Variants in PRKG1 observed in about 807,000 individuals in gnomAD.
The protein encoded by PRKG1 is cGMP-dependent protein kinase 1.
PRKG1 carries 35 observed loss-of-function variants against 88.1 expected under a neutral mutation model. That is an observed-to-expected ratio of 0.40 (90% CI 0.30 to 0.53). PRKG1 has a LOEUF of 0.53. Ranked by LOEUF, PRKG1 falls within the 20% of genes least tolerant of loss-of-function variation. The pLI is 0.59. For missense variants in PRKG1, 540 were observed against 839.8 expected (o/e 0.64, Z 4.41); for synonymous variants, 303 against 292.5 (o/e 1.04, Z -0.37).
At chr10:52,289,658 C>G (rs73348739) in intron 16 of PRKG1, among the ~76,000 whole-genome samples, 20,435 of 150,674 alleles carry the variant, frequency 0.14, 2,485 homozygotes, top group African/African-American at 0.33. Context: ...AGAAAACAAA[C>G]AAGCAAAAAC....
At chr10:52,256,723 C>T (rs1277293359) in intron 10 of PRKG1, among the ~76,000 whole-genome samples, 1 of 139,626 alleles carries the variant, frequency 7.2e-6, no homozygotes, top group African/African-American at 2.5e-5. Context: ...CTTTTCTTTT[C>T]CATTGCTAGG....
chr10:52,148,957 C>CTTTTTTTTTTTTTTTTTTTTTTTTTT lies in PRKG1; in HGVS notation c.1002-12931_1002-12906dup, dbSNP rs71904885. ...TATTTGACCACAGAGGATAGTTTTG[C>CTTTTTTTTTTTTTTTTTTTTTTTTTT]TTTTTTTTTTTTTTTTTTTTTTTTT... On this transcript the variant is annotated intron_variant, in intron 8 of 17. Coordinates refer to ENST00000373980, the MANE Select transcript of PRKG1 (RefSeq NM_006258.4). 9.1e-5 allele frequency among the ~76,000 whole-genome samples: 5 copies of CTTTTTTTTTTTTTTTTTTTTTTTTTT among 55,160 alleles called. 1 individual carries two copies. The East Asian group carries it at 2.3e-3, about 26-fold the overall frequency. The allele number at this position is 55,160 out of a possible 152,430, so 36.2% of individuals were successfully genotyped here.
intron 7 of PRKG1, among the ~76,000 whole-genome samples, chr10:52,081,879 AG>A (rs5784902): frequency 1 from 152,247 of 152,250 alleles, 76,122 homozygotes; most frequent in Non-Finnish European, 1. Context: ...TCCTGACAAT[AG>A]GGGTCTCATT....
chr10:51,803,605 GC>G (rs1191056523), intron 3 of PRKG1, among the ~76,000 whole-genome samples: 1 of 152,058 alleles, frequency 6.6e-6, no homozygotes, highest in African/African-American at 2.4e-5. Flanking sequence ...GAACTGTGAA[GC>G]AGAGAAAATT....
chr10:51,268,845 G>A (rs2132172551), intron 2 of PRKG1, among the ~76,000 whole-genome samples: 1 of 152,260 alleles, frequency 6.6e-6, no homozygotes, highest in East Asian at 1.9e-4. Context: ...CACAATTTAT[G>A]TTCAGAGATT....
chr10:52,061,120 C>T (rs1045124796), intron 6 of PRKG1, among the ~76,000 whole-genome samples: 4 of 151,944 alleles, frequency 2.6e-5, no homozygotes, highest in Admixed American at 2.6e-4. Context: ...ATTAGTGTCT[C>T]TGTGATACAG....
At chr10:51,244,452 G>A (rs1284484054) in intron 2 of PRKG1, among the ~76,000 whole-genome samples, 1 of 151,574 alleles carries the variant, frequency 6.6e-6, no homozygotes, top group Non-Finnish European at 1.5e-5. Context: ...TTTATTTATA[G>A]AACATTCAGT....
At chr10:51,866,053 T>A (rs993171284) in intron 4 of PRKG1, among the ~76,000 whole-genome samples, 5 of 152,002 alleles carry the variant, frequency 3.3e-5, no homozygotes, top group African/African-American at 1.2e-4. Context: ...GAGTTTATGT[T>A]CTGTTAATCT....
In PRKG1 at chr10:51,883,059, C is replaced by T. The variant is rs1020854847; in HGVS notation, c.699-24448C>T. ...GTCCATCTTCACCAATGTGGGCAGA[C>T]ATCATCCAACCTGTTGAGGACCTGA... On this transcript the variant is annotated intron_variant, in intron 4 of 17. Coordinates refer to ENST00000373980, the MANE Select transcript of PRKG1 (RefSeq NM_006258.4). Among the ~76,000 whole-genome samples the T allele has an allele frequency of 2.6e-5, 4 of 152,210 alleles. No homozygotes were observed. In the South Asian group the frequency reaches 8.3e-4, roughly 32 times the overall value.
At chr10:51,876,243 C>G (rs1162476390) in intron 4 of PRKG1, among the ~76,000 whole-genome samples, 2 of 151,944 alleles carry the variant, frequency 1.3e-5, no homozygotes, top group Admixed American at 6.5e-5. Context: ...CACACACACA[C>G]AGAGTGTAAT....
At chr10:51,089,390 A>G (rs1191843523) in intron 1 of PRKG1, among the ~76,000 whole-genome samples, 2 of 152,228 alleles carry the variant, frequency 1.3e-5, no homozygotes, top group Non-Finnish European at 2.9e-5. Flanking sequence ...AAATTTAGAT[A>G]TAATTTTTAC....
intron 1 of PRKG1, among the ~76,000 whole-genome samples, chr10:51,125,348 A>G (rs1845368924): frequency 6.6e-6 from 1 of 151,246 alleles, no homozygotes; most frequent in East Asian, 1.9e-4. Flanking sequence ...ATTATAAATT[A>G]TATAAATTTA....
chr10:51,957,035 T>C (rs1053690707), intron 5 of PRKG1, among the ~76,000 whole-genome samples: 5 of 149,714 alleles, frequency 3.3e-5, no homozygotes, highest in Non-Finnish European at 7.4e-5. Context: ...CTTTTTTCCT[T>C]CCTCCCTCCT....
At chr10:51,646,720 T>G (rs1443062318) in intron 3 of PRKG1, among the ~76,000 whole-genome samples, 2 of 151,860 alleles carry the variant, frequency 1.3e-5, no homozygotes, top group African/African-American at 4.8e-5. Context: ...CTCCATGTAT[T>G]TTTTAACTAA....
At position 52,173,166 on chromosome 10, in the gene PRKG1, G is replaced by C. The variant is rs76190740; in HGVS notation, c.1076+11203G>C. Among the ~76,000 whole-genome samples the C allele has an allele frequency of 7.6e-4, 115 of 152,242 alleles. 3 individuals are homozygous for C. In the East Asian group the frequency reaches 0.019, roughly 26 times the overall value. Reference sequence around the variant, plus strand: ...TTTATAAGTCTATGTTGTAACAAAGGTTACTTAAGTTATATGTCCTCATAA... The same window carrying C: ...TTTATAAGTCTATGTTGTAACAAAGCTTACTTAAGTTATATGTCCTCATAA... On this transcript the variant is annotated intron_variant, in intron 9 of 17. Transcript: ENST00000373980.
intron 3 of PRKG1, among the ~76,000 whole-genome samples, chr10:51,686,533 C>T (rs1280655152): frequency 1.3e-5 from 2 of 152,152 alleles, no homozygotes; most frequent in Non-Finnish European, 2.9e-5. Flanking sequence ...TTTCTAAAAA[C>T]ATGTTTATCT....
intron 5 of PRKG1, among the ~76,000 whole-genome samples, chr10:51,930,350 T>C (rs1358488614): frequency 6.6e-6 from 1 of 152,136 alleles, no homozygotes; most frequent in African/African-American, 2.4e-5. Flanking sequence ...TACTTAATGC[T>C]AGTGAGATGT....
At chr10:51,061,685 T>C (rs955305822) in intron 1 of PRKG1, among the ~76,000 whole-genome samples, 1 of 152,188 alleles carries the variant, frequency 6.6e-6, no homozygotes, top group African/African-American at 2.4e-5. Context: ...TTATTTAATG[T>C]AGCTACTTTA....
At position 51,521,315 on chromosome 10, in the gene PRKG1, A is replaced by G. The variant is rs566158700; in HGVS notation, c.592+53479A>G. On this transcript the variant is annotated intron_variant, in intron 3 of 17. Coordinates refer to ENST00000373980, the MANE Select transcript of PRKG1 (RefSeq NM_006258.4). ...AAAAAAACAAAAAACTACAGTGCCT[A>G]GAATATTGTCCGACACATAGCAGTT... Among the ~76,000 whole-genome samples, 5 of 152,288 alleles carry G rather than the reference A, an allele frequency of 3.3e-5. No homozygotes were observed. In the East Asian group the frequency reaches 9.7e-4, roughly 29 times the overall value.
Sources: gnomAD v4.1 joint callset for allele counts (sites outside exome capture counted in the v4.1 genomes callset) on GRCh38, gnomAD v4.1.1 for gene constraint, MANE v1.5 for transcripts, NCBI Gene and HGNC (gene_info 2026-07-23, HGNC 2026-07-21) for gene names.